The following WWOX variants were observed in gnomAD, a reference collection of about 807,000 sequenced individuals.
WWOX encodes WW domain-containing oxidoreductase.
A neutral mutation model predicts 46.2 loss-of-function variants in WWOX; 69 were observed. That is an observed-to-expected ratio of 1.49 (90% CI 1.23 to 1.82). WWOX has a LOEUF of 1.82. Among genes scored for constraint, WWOX ranks in the 40% most tolerant of loss-of-function variants. The pLI is 0.00. For missense variants in WWOX, 919 were observed against 542.6 expected (o/e 1.69, Z -6.89); for synonymous variants, 359 against 202.6 (o/e 1.77, Z -6.56).
chr16:78,454,426 A>C (rs1189920228), intron 8 of WWOX, among the ~76,000 whole-genome samples: 4 of 152,104 alleles, frequency 2.6e-5, no homozygotes, highest in Non-Finnish European at 5.9e-5. Flanking sequence ...AAGTTTTACA[A>C]AATGATACTT....
At chr16:78,752,220 T>G (rs1424318752) in intron 8 of WWOX, among the ~76,000 whole-genome samples, 2 of 152,210 alleles carry the variant, frequency 1.3e-5, no homozygotes. Flanking sequence ...CTTGAAATAT[T>G]GGTAAATGTT....
chr16:78,822,822 G>A (rs1056504480), intron 8 of WWOX, among the ~76,000 whole-genome samples: 1 of 151,844 alleles, frequency 6.6e-6, no homozygotes, highest in Non-Finnish European at 1.5e-5. Flanking sequence ...CTATCAAATT[G>A]AAAGGTAATT....
Position 78,149,231 on chromosome 16 carries a change from A to G in WWOX, c.410-14952A>G, listed in dbSNP as rs539104478. ...AAGACTTTTGGAAATTAAAGAAAAA[A>G]AATTGAGTATAACTTGTAACGGTCA... On this transcript the variant is annotated intron_variant, in intron 4 of 8. Transcript: ENST00000566780. 7.9e-5 allele frequency among the ~76,000 whole-genome samples: 12 copies of G among 152,318 alleles called. No homozygotes were observed. The South Asian group carries it at 1.2e-3, about 16-fold the overall frequency.
chr16:78,511,965 A>C (rs887386940), intron 8 of WWOX, among the ~76,000 whole-genome samples: 1 of 152,242 alleles, frequency 6.6e-6, no homozygotes, highest in Non-Finnish European at 1.5e-5. Flanking sequence ...GTAAGATAGC[A>C]TCTCATAGAT....
Position 78,615,822 on chromosome 16 carries a change from C to T in WWOX, c.1056+183070C>T, listed in dbSNP as rs1318672861. 2.6e-5 allele frequency among the ~76,000 whole-genome samples: 4 copies of T among 151,564 alleles called. No individual in the cohort carries two copies. The East Asian group carries it at 5.8e-4, about 22-fold the overall frequency. On this transcript the variant is annotated intron_variant, in intron 8 of 8. Coordinates refer to ENST00000566780, the MANE Select transcript of WWOX (RefSeq NM_016373.4). ...CTGGAGTGCAGTGGCACAGTCTCCG[C>T]TCACTGTAAGCTCCGCCTCCCGAGT...
chr16:78,641,155 G>T (rs578247854), intron 8 of WWOX, among the ~76,000 whole-genome samples: 2 of 152,060 alleles, frequency 1.3e-5, no homozygotes, highest in East Asian at 3.9e-4. Context: ...TCTCTTCCTT[G>T]GATTTCAAAA....
chr16:78,108,475 C>G lies in WWOX; in HGVS notation c.160C>G (p.Arg54Gly). The change falls in exon 2 of 9, where the codon CGA becomes GGA. Residue 54 changes from arginine (R) to glycine (G), a missense_variant. Transcript: ENST00000566780. The part of the protein sequence containing the change: ...WEHPKTGKRK[R>G]VAGDLPYGWE... Reference sequence around the variant, plus strand: ...ACATCCAAAAACTGGAAAAAGAAAACGAGTGGCAGGAGGTTTGTATGTTGT... The same window carrying G: ...ACATCCAAAAACTGGAAAAAGAAAAGGAGTGGCAGGAGGTTTGTATGTTGT... 6.2e-7 allele frequency: 1 copy of G among 1,613,096 alleles called. No individual in the cohort carries two copies. Among genetic ancestry groups the G allele is most frequent in the South Asian group, 1.1e-5 (1 of 91,064 alleles).
In WWOX at chr16:78,424,994, C is replaced by T. The variant is rs752354290; in HGVS notation, c.730C>T (p.Gln244Ter). ...LGHFYLVQLLQDVLCRSAPAR... is the reference protein window; with the variant it reads ...LGHFYLVQLL Reference sequence around the variant, plus strand: ...GCACTTCTACCTTGTCCAGCTCCTCCAGGATGTTTTGTGCCGCTCAGCTCC... The same window carrying T: ...GCACTTCTACCTTGTCCAGCTCCTCTAGGATGTTTTGTGCCGCTCAGCTCC... The change falls in exon 7 of 9, where the codon CAG becomes TAG. Residue 244 changes from glutamine to a stop codon, truncating the protein, a stop_gained. Transcript: ENST00000566780. LOFTEE classifies it high-confidence loss of function. The T allele has an allele frequency of 6.2e-7, 1 of 1,614,146 alleles. No homozygotes were observed. The highest frequency in any genetic ancestry group is 1.7e-4 in the Middle Eastern group (1 of 6,052).
intron 8 of WWOX, among the ~76,000 whole-genome samples, chr16:78,762,215 A>G (rs1294429277): frequency 6.6e-6 from 1 of 152,176 alleles, no homozygotes; most frequent in African/African-American, 2.4e-5. Context: ...TCCTCAGCCA[A>G]GAGCATACAG....
chr16:78,239,993 T>C (rs1428496539), intron 5 of WWOX, among the ~76,000 whole-genome samples: 2 of 85,760 alleles, frequency 2.3e-5, no homozygotes, highest in African/African-American at 9.3e-5. Context: ...AAGCTGTCAG[T>C]GTGGGTGTGA....
At chr16:79,055,891 C>G (rs2048253002) in intron 8 of WWOX, among the ~76,000 whole-genome samples, 1 of 152,136 alleles carries the variant, frequency 6.6e-6, no homozygotes, top group Non-Finnish European at 1.5e-5. Context: ...ATGGATTTCC[C>G]TTTGGAAGCA....
chr16:78,626,067 A>T lies in WWOX; in HGVS notation c.1056+193315A>T, dbSNP rs1452114001. On this transcript the variant is annotated intron_variant, in intron 8 of 8. Transcript: ENST00000566780. The stretch of plus-strand genomic sequence containing the variant: ...GTTTATCATATTGCCTTAGGTTTTT[A>T]AAAAATTTTTTACCTAATGACTTTT... 3.9e-5 allele frequency among the ~76,000 whole-genome samples: 6 copies of T among 151,912 alleles called. No homozygotes were observed. The East Asian group carries it at 1.2e-3, about 29-fold the overall frequency.
intron 8 of WWOX, among the ~76,000 whole-genome samples, chr16:78,648,963 T>C (rs2046905883): frequency 6.6e-6 from 1 of 152,134 alleles, no homozygotes; most frequent in African/African-American, 2.4e-5. Flanking sequence ...AATTAATAAT[T>C]AGTTTGCTTA....
intron 4 of WWOX, among the ~76,000 whole-genome samples, chr16:78,161,256 G>A (rs1239006093): frequency 6.6e-6 from 1 of 151,410 alleles, no homozygotes; most frequent in Admixed American, 6.6e-5. Context: ...TCTTTTAATT[G>A]CCATCTTTAG....
At position 78,919,077 on chromosome 16, in the gene WWOX, C is replaced by T. The variant is rs138241204; in HGVS notation, c.1057-292531C>T. Reference sequence around the variant, plus strand: ...GCTGCCAAGGGGGGCTGTTCCTGTTCCTCATTTCCAATTGAAATTAATAAC... The same window carrying T: ...GCTGCCAAGGGGGGCTGTTCCTGTTTCTCATTTCCAATTGAAATTAATAAC... On this transcript the variant is annotated intron_variant, in intron 8 of 8. Coordinates refer to ENST00000566780, the MANE Select transcript of WWOX (RefSeq NM_016373.4). Among the ~76,000 whole-genome samples, 12 of 152,212 alleles carry T rather than the reference C, an allele frequency of 7.9e-5. No individual in the cohort carries two copies. In the East Asian group the frequency reaches 1.9e-3, roughly 25 times the overall value.
At chr16:78,328,764 C>A (rs1287488243) in intron 5 of WWOX, among the ~76,000 whole-genome samples, 1 of 152,166 alleles carries the variant, frequency 6.6e-6, no homozygotes. Flanking sequence ...ATTTCCACAC[C>A]CTCAGCACCT....
At chr16:78,480,205 C>G (rs568884719) in intron 8 of WWOX, among the ~76,000 whole-genome samples, 1 of 152,150 alleles carries the variant, frequency 6.6e-6, no homozygotes, top group East Asian at 1.9e-4. Flanking sequence ...TTCAAATCTT[C>G]AGTAGCCAGA....
chr16:79,059,717 C>G (rs1424288027), intron 8 of WWOX, among the ~76,000 whole-genome samples: 1 of 152,064 alleles, frequency 6.6e-6, no homozygotes, highest in Non-Finnish European at 1.5e-5. Context: ...GCATCTCAAT[C>G]GTTTTACTAA....
chr16:78,972,480 A>T (rs1331389253), intron 8 of WWOX, among the ~76,000 whole-genome samples: 3 of 151,994 alleles, frequency 2.0e-5, no homozygotes, highest in Non-Finnish European at 4.4e-5. Context: ...GAAAAAAAAA[A>T]AAAATAAAAG....
Sources: allele counts gnomAD v4.1 joint callset (sites outside exome capture counted in the v4.1 genomes callset), GRCh38; gene constraint gnomAD v4.1.1; transcripts MANE v1.5; gene names NCBI Gene and HGNC (gene_info 2026-07-23, HGNC 2026-07-21).